MMAB: variants seen among roughly 807,000 people sequenced by gnomAD.
The protein encoded by MMAB is corrinoid adenosyltransferase MMAB.
In MMAB, 17 loss-of-function variants were observed where a neutral mutation model predicts 30.6. That is an observed-to-expected ratio of 0.56 (90% CI 0.38 to 0.83). MMAB has a LOEUF of 0.83. Ranked by LOEUF, MMAB falls within the 40% of genes least tolerant of loss-of-function variation. The probability of loss-of-function intolerance (pLI) is 0.00; values close to 1 mark genes in which losing one functional copy is unlikely to be tolerated. For missense variants in MMAB, 311 were observed against 331.6 expected (o/e 0.94, Z 0.48); for synonymous variants, 134 against 138.6 (o/e 0.97, Z 0.23).
chr12:109,561,032 C>G lies in MMAB; in HGVS notation c.584+8G>C. On this transcript the variant is annotated splice_region_variant and intron_variant, in intron 7 of 8. Coordinates refer to ENST00000545712, the MANE Select transcript of MMAB (RefSeq NM_052845.4). This position sits in a 1 kb window ranked among gnomAD's most constrained non-coding sequence, Gnocchi z 5.3. ...CTTGGGCCCTCTCCCTCTCTCCAGC[C>G]CTCTTACCGTCTCTCGGCCCGGCGG... 1.2e-6 allele frequency: 2 copies of G among 1,609,044 alleles called. No individual in the cohort carries two copies. Among genetic ancestry groups the G allele is most frequent in the Admixed American group, 3.3e-5 (2 of 59,976 alleles).
At chr12:109,566,189 G>A (rs992333446) in intron 3 of MMAB, among the ~76,000 whole-genome samples, 1 of 152,218 alleles carries the variant, frequency 6.6e-6, no homozygotes, top group African/African-American at 2.4e-5. Flanking sequence ...TGAGCTCTCT[G>A]CACTCACTCT....
chr12:109,563,002 C>T (rs1222930027), intron 4 of MMAB, among the ~76,000 whole-genome samples: 1 of 152,210 alleles, frequency 6.6e-6, no homozygotes, highest in Admixed American at 6.5e-5. Context: ...CTTCTGACCT[C>T]TCCTAAGATG....
At chr12:109,564,401 A>G (rs1302975830) in intron 4 of MMAB, among the ~76,000 whole-genome samples, 1 of 102,346 alleles carries the variant, frequency 9.8e-6, no homozygotes, top group Non-Finnish European at 2.2e-5. Flanking sequence ...TTTTTTTTTT[A>G]AAGACAGGAT....
chr12:109,565,523 G>A (rs1442426835), intron 3 of MMAB, among the ~76,000 whole-genome samples: 2 of 152,194 alleles, frequency 1.3e-5, no homozygotes, highest in East Asian at 1.9e-4. Context: ...GCTGGATCCT[G>A]AGCTCTGACC....
Position 109,571,708 on chromosome 12 carries a change from G to C in MMAB, c.137C>G (p.Pro46Arg), listed in dbSNP as rs1884633131. The C allele has an allele frequency of 1.2e-6, 2 of 1,613,766 alleles. No individual in the cohort carries two copies. Among genetic ancestry groups the C allele is most frequent in the African/African-American group, 2.7e-5 (2 of 74,906 alleles). The stretch of plus-strand genomic sequence containing the variant: ...CCTGGGTGTCTTCGAGGAAGGCTGT[G>C]GCCTAATGAGAAATAAACATCAGTA... ...GPQGVEDGDR[P>R]QPSSKTPRIP... Residue 46 changes from proline (P) to arginine (R), a missense_variant and splice_region_variant, in exon 2 of 9, where the codon CCA becomes CGA. Coordinates refer to ENST00000545712, the MANE Select transcript of MMAB (RefSeq NM_052845.4).
At chr12:109,572,924 C>T (rs1195839894) in intron 1 of MMAB, among the ~76,000 whole-genome samples, 2 of 152,210 alleles carry the variant, frequency 1.3e-5, no homozygotes, top group South Asian at 4.1e-4. Flanking sequence ...AGGTTAATTT[C>T]CTGGATCTGT....
intron 1 of MMAB, among the ~76,000 whole-genome samples, chr12:109,573,045 T>C (rs1277097728): frequency 6.6e-6 from 1 of 152,240 alleles, no homozygotes; most frequent in Non-Finnish European, 1.5e-5. Context: ...GGTGCTGGTG[T>C]ATCTGGGACC....
Position 109,561,540 on chromosome 12 carries a change from G to T in MMAB, c.422-23C>A. 1 of 1,534,928 alleles carries T rather than the reference G, an allele frequency of 6.5e-7. No individual in the cohort carries two copies. The highest frequency in any genetic ancestry group is 1.2e-5 in the South Asian group (1 of 83,746). ...ACTCTGAGGAGCCAAGGAGCAGAGG[G>T]AACTGCCATGAGGCCATCACCCACC... On this transcript the variant is annotated intron_variant, in intron 5 of 8. Coordinates refer to ENST00000545712, the MANE Select transcript of MMAB (RefSeq NM_052845.4). This position sits in a 1 kb window ranked among gnomAD's most constrained non-coding sequence, Gnocchi z 5.3.
At chr12:109,571,544 G>T in intron 2 of MMAB, 105 bp downstream of exon 2, 6 of 1,061,896 alleles carry the variant, frequency 5.7e-6, no homozygotes, top group Middle Eastern at 3.9e-4. Flanking sequence ...GAGCCACCGC[G>T]CCTGGTATAT....
rs1883953479 is a variant in MMAB, at chr12:109,555,824, A to G, written c.*1204T>C. The G allele has an allele frequency of 4.4e-6, 2 of 453,950 alleles. No individual in the cohort carries two copies. The highest frequency in any genetic ancestry group is 8.8e-6 in the Non-Finnish European group (2 of 226,766). 28.1% of individuals were successfully genotyped at this position (453,950 alleles called of 1,614,324 possible). ...AGGTGGTAAGAATGAAGGCAAAAATATGCACGTGACTAAGAAGGTAATGTT... is the reference window on the plus strand; with the variant it reads ...AGGTGGTAAGAATGAAGGCAAAAATGTGCACGTGACTAAGAAGGTAATGTT... On this transcript the variant is annotated 3_prime_UTR_variant, in exon 9 of 9. Coordinates refer to ENST00000545712, the MANE Select transcript of MMAB (RefSeq NM_052845.4).
rs568179774 is a variant in MMAB at position 109,560,068 on chromosome 12, T to A, written c.585-913A>T. On this transcript the variant is annotated intron_variant, in intron 7 of 8. Coordinates refer to ENST00000545712, the MANE Select transcript of MMAB (RefSeq NM_052845.4). ...CTTTGGGTTGTTTCCAGTTTCTTGC[T>A]ATTATGAGCACTGCTGATGGATGGC... 2.0e-5 allele frequency among the ~76,000 whole-genome samples: 3 copies of A among 152,386 alleles called. No individual in the cohort carries two copies. The East Asian group carries it at 5.8e-4, about 29-fold the overall frequency.
rs780742465 is a variant in MMAB at position 109,573,347 on chromosome 12, C to G, written c.134G>C (p.Arg45Thr). ...GTTGCCCTTCCCGCCAGCCACTCAC[C>G]TGTCCCCGTCTTCCACGCCCTGAGG... The part of the protein sequence containing the change: ...RGPQGVEDGD[R>T]PQPSSKTPRI... The change falls in exon 1 of 9, where the codon AGG becomes ACG. Residue 45 changes from arginine to threonine, a missense_variant and splice_region_variant. Coordinates refer to ENST00000545712, the MANE Select transcript of MMAB (RefSeq NM_052845.4). 6.2e-7 allele frequency: 1 copy of G among 1,613,306 alleles called. No individual in the cohort carries two copies. Among genetic ancestry groups the G allele is most frequent in the South Asian group, 1.1e-5 (1 of 91,050 alleles).
chr12:109,555,371 C>T lies in MMAB; in HGVS notation c.*1657G>A, dbSNP rs111869218. The T allele has an allele frequency of 0.05, 21,253 of 424,670 alleles. 804 individuals are homozygous for T. The highest frequency in any genetic ancestry group is 0.064 in the Non-Finnish European group (14,030 of 219,510). 26.3% of individuals were successfully genotyped at this position (424,670 alleles called of 1,614,324 possible). A position where few individuals can be genotyped will look rare whatever the true frequency, so the allele number is the denominator to read the frequency against. ...GATCTTGGCTCACTGCAGCCTCTGC[C>T]TCGTAGGTTCAAGTGATTCTCCTGC... is the stretch of plus-strand genomic sequence containing the variant. On this transcript the variant is annotated 3_prime_UTR_variant, in exon 9 of 9. Coordinates refer to ENST00000545712, the MANE Select transcript of MMAB (RefSeq NM_052845.4).
In MMAB at chr12:109,566,883, T is replaced by G. The variant is rs571688709; in HGVS notation, c.291-1707A>C. 9.2e-6 allele frequency: 4 copies of G among 434,208 alleles called. No individual in the cohort carries two copies. In the Admixed American group the frequency reaches 9.9e-5, roughly 11 times the overall value. 26.9% of individuals were successfully genotyped at this position (434,208 alleles called of 1,614,324 possible). A position where few individuals can be genotyped will look rare whatever the true frequency, so the allele number is the denominator to read the frequency against. On this transcript the variant is annotated intron_variant, in intron 3 of 8. Coordinates refer to ENST00000545712, the MANE Select transcript of MMAB (RefSeq NM_052845.4). ...GATGCGAGAACTGGCCTTTTCTCCCTTTGCCCACTTGGTCTTGTGTCTGCC... is the reference window on the plus strand; with the variant it reads ...GATGCGAGAACTGGCCTTTTCTCCCGTTGCCCACTTGGTCTTGTGTCTGCC...
intron 7 of MMAB, among the ~76,000 whole-genome samples, chr12:109,560,305 T>C (rs1232382339): frequency 6.6e-6 from 1 of 152,142 alleles, no homozygotes. Flanking sequence ...ATGGTGTCAT[T>C]TCTCTGAGCC....
At chr12:109,568,670 C>T in intron 3 of MMAB, 100 bp downstream of exon 3, 4 of 959,456 alleles carry the variant, frequency 4.2e-6, no homozygotes, top group South Asian at 3.9e-5. Context: ...GGCTGACAAC[C>T]TCCGAGGCTG....
Position 109,569,563 on chromosome 12 carries a change from A to C in MMAB, c.197-700T>G, listed in dbSNP as rs1327708570. On this transcript the variant is annotated intron_variant, in intron 2 of 8. Transcript: ENST00000545712. The surrounding 1 kb of genome is among the most constrained non-coding windows in gnomAD (Gnocchi z 4.1). The stretch of plus-strand genomic sequence containing the variant: ...TACATTACCATTATATTTCACATGA[A>C]GTCAAAGTCCTCTGTGCCTCTGCCT... Among the ~76,000 whole-genome samples, 1 of 152,240 alleles carries C rather than the reference A, an allele frequency of 6.6e-6. No homozygotes were observed. The highest frequency in any genetic ancestry group is 2.4e-5 in the African/African-American group (1 of 41,462).
chr12:109,561,771 G>C lies in MMAB; in HGVS notation c.421+9C>G, dbSNP rs1442982489. On this transcript the variant is annotated intron_variant, in intron 5 of 8. Coordinates refer to ENST00000545712, the MANE Select transcript of MMAB (RefSeq NM_052845.4). The surrounding 1 kb of genome is among the most constrained non-coding windows in gnomAD (Gnocchi z 5.3). ...GCCCTCTGAACACCCACAGGAGTTT[G>C]AGAATTACTTAAGTGAGCCTCCCGG... 1 of 1,604,066 alleles carries C rather than the reference G, an allele frequency of 6.2e-7. No individual in the cohort carries two copies. The highest frequency in any genetic ancestry group is 1.1e-5 in the South Asian group (1 of 89,432).
At chr12:109,557,314 C>T (rs1427558707) in intron 8 of MMAB, among the ~76,000 whole-genome samples, 178 bp from the exon 9 acceptor site, 1 of 152,252 alleles carries the variant, frequency 6.6e-6, no homozygotes, top group Admixed American at 6.5e-5. Context: ...ACGAGGCCAG[C>T]TGCTGTGAAT....
Sources: allele counts gnomAD v4.1 joint callset (sites outside exome capture counted in the v4.1 genomes callset), GRCh38; gene constraint gnomAD v4.1.1; non-coding constraint Gnocchi (gnomAD v3.1); transcripts MANE v1.5; gene names NCBI Gene and HGNC (gene_info 2026-07-23, HGNC 2026-07-21).